NRXN3: variants seen among roughly 807,000 people sequenced by gnomAD.
NRXN3 encodes the protein neurexin III.
NRXN3 carries 32 observed loss-of-function variants against 137.6 expected under a neutral mutation model. The ratio of observed to expected loss-of-function variants is 0.23; its 90% CI spans 0.18 to 0.31. NRXN3 has a LOEUF of 0.31. NRXN3 is among the 10% of genes least tolerant of loss of function. NRXN3 has a pLI of 1.00. For missense variants in NRXN3, 1,574 were observed against 2,062.5 expected (o/e 0.76, Z 4.59); for synonymous variants, 798 against 784.5 (o/e 1.02, Z -0.29).
At chr14:78,978,933 A>T (rs1310361846) in intron 14 of NRXN3, among the ~76,000 whole-genome samples, 1 of 151,926 alleles carries the variant, frequency 6.6e-6, no homozygotes, top group South Asian at 2.1e-4. Context: ...AAGTGGCATG[A>T]TAGTGTAAGT....
At chr14:78,268,078 C>A (rs2072089696) in intron 2 of NRXN3, among the ~76,000 whole-genome samples, 1 of 152,180 alleles carries the variant, frequency 6.6e-6, no homozygotes. Flanking sequence ...AAACTGTGTT[C>A]TGTGAGATGT....
intron 10 of NRXN3, among the ~76,000 whole-genome samples, chr14:78,938,857 T>C (rs923436157): frequency 2.0e-5 from 3 of 149,236 alleles, no homozygotes; most frequent in Non-Finnish European, 3.0e-5. Flanking sequence ...TCTTTTTTTT[T>C]TTTTTTTGAG....
At chr14:78,555,611 C>T (rs577878346) in intron 4 of NRXN3, among the ~76,000 whole-genome samples, 65 of 152,308 alleles carry the variant, frequency 4.3e-4, no homozygotes, top group African/African-American at 1.5e-3. Context: ...TGATCTTGAA[C>T]AAATCATTCT....
At chr14:79,320,774 A>G (rs1018881974) in intron 15 of NRXN3, among the ~76,000 whole-genome samples, 1 of 152,044 alleles carries the variant, frequency 6.6e-6, no homozygotes, top group Non-Finnish European at 1.5e-5. Flanking sequence ...TATTAAGGCT[A>G]TATCTGGGAA....
chr14:78,578,546 A>C (rs2096959814), intron 4 of NRXN3, among the ~76,000 whole-genome samples: 1 of 152,174 alleles, frequency 6.6e-6, no homozygotes, highest in South Asian at 2.1e-4. Context: ...ATGCTCTTTC[A>C]AGAATATTCA....
At chr14:79,541,533 C>T (rs1003192377) in intron 16 of NRXN3, among the ~76,000 whole-genome samples, 4 of 152,066 alleles carry the variant, frequency 2.6e-5, no homozygotes, top group Non-Finnish European at 5.9e-5. Flanking sequence ...TCATACATTC[C>T]ATATCTTTTG....
intron 15 of NRXN3, among the ~76,000 whole-genome samples, chr14:79,165,130 G>T (rs1402871836): frequency 1.3e-5 from 2 of 151,940 alleles, no homozygotes; most frequent in African/African-American, 4.8e-5. Context: ...AATGGTTATT[G>T]CCTAGTAAGA....
At chr14:79,390,272 G>A (rs1399045019) in intron 15 of NRXN3, among the ~76,000 whole-genome samples, 2 of 148,788 alleles carry the variant, frequency 1.3e-5, no homozygotes, top group South Asian at 2.1e-4. Flanking sequence ...AGTAGAGATC[G>A]CGCCACTGCA....
At chr14:78,343,404 C>G (rs1357345430) in intron 4 of NRXN3, among the ~76,000 whole-genome samples, 1 of 152,186 alleles carries the variant, frequency 6.6e-6, no homozygotes, top group Non-Finnish European at 1.5e-5. Context: ...CCAAATCGCT[C>G]ATGTTCTACC....
At chr14:79,556,556 G>A (rs1173521596) in intron 16 of NRXN3, among the ~76,000 whole-genome samples, 1 of 151,884 alleles carries the variant, frequency 6.6e-6, no homozygotes, top group Non-Finnish European at 1.5e-5. Context: ...TTGCCTGTTT[G>A]TTCTATTTAT....
chr14:79,491,812 C>T (rs754455216), intron 16 of NRXN3, among the ~76,000 whole-genome samples: 13 of 152,080 alleles, frequency 8.5e-5, no homozygotes, highest in Non-Finnish European at 1.6e-4. Context: ...ATAGTAAATT[C>T]AGTTACAGTA....
intron 15 of NRXN3, among the ~76,000 whole-genome samples, chr14:79,394,687 C>A (rs1222872141): frequency 6.6e-6 from 1 of 152,116 alleles, no homozygotes; most frequent in Non-Finnish European, 1.5e-5. Context: ...ATCAGTATTT[C>A]TTAAATATAA....
intron 19 of NRXN3, among the ~76,000 whole-genome samples, chr14:79,735,966 A>G (rs1203879319): frequency 6.6e-6 from 1 of 152,224 alleles, no homozygotes; most frequent in Non-Finnish European, 1.5e-5. Flanking sequence ...GTACAAAATT[A>G]CCACCCTTAC....
chr14:78,447,041 A>G (rs1226309788), intron 4 of NRXN3, among the ~76,000 whole-genome samples: 1 of 152,230 alleles, frequency 6.6e-6, no homozygotes, highest in Non-Finnish European at 1.5e-5. Flanking sequence ...AGCAGATGGT[A>G]CTACATGGTC....
chr14:78,833,873 T>C (rs1255083174), intron 10 of NRXN3, among the ~76,000 whole-genome samples: 2 of 152,314 alleles, frequency 1.3e-5, no homozygotes, highest in East Asian at 3.9e-4. Context: ...TCATCTACTA[T>C]TTATTGAGCA....
intron 15 of NRXN3, among the ~76,000 whole-genome samples, chr14:79,044,893 T>C (rs2099630718): frequency 6.6e-6 from 1 of 151,916 alleles, no homozygotes; most frequent in African/African-American, 2.4e-5. Context: ...GTTTTTTCCT[T>C]CTAGAACTAC....
chr14:78,571,740 T>C (rs940710199), intron 4 of NRXN3, among the ~76,000 whole-genome samples: 1 of 152,142 alleles, frequency 6.6e-6, no homozygotes, highest in Non-Finnish European at 1.5e-5. Context: ...CACATATTGG[T>C]CTTGAAATTC....
intron 4 of NRXN3, among the ~76,000 whole-genome samples, chr14:78,338,327 T>C (rs1020582719): frequency 6.6e-6 from 1 of 152,216 alleles, no homozygotes; most frequent in African/African-American, 2.4e-5. Flanking sequence ...ACTAATGTGA[T>C]GGACAGTGCA....
At chr14:78,976,254 C>A (rs2153031744) in intron 14 of NRXN3, among the ~76,000 whole-genome samples, 1 of 152,274 alleles carries the variant, frequency 6.6e-6, no homozygotes, top group African/African-American at 2.4e-5. Flanking sequence ...CCTATTCCAT[C>A]TTTAATTATA....
Sources: allele counts gnomAD v4.1 joint callset (sites outside exome capture counted in the v4.1 genomes callset), GRCh38; gene constraint gnomAD v4.1.1; transcripts MANE v1.5; gene names NCBI Gene and HGNC (gene_info 2026-07-23, HGNC 2026-07-21).